NBEA: variants seen among roughly 807,000 people sequenced by gnomAD.
The protein encoded by NBEA is lysosomal-trafficking regulator 2.
NBEA carries 44 observed loss-of-function variants against 343.4 expected under a neutral mutation model. That is an observed-to-expected ratio of 0.13 (90% CI 0.10 to 0.16). NBEA has a LOEUF of 0.16. Ranked by LOEUF, NBEA falls within the 10% of genes least tolerant of loss-of-function variation. NBEA has a pLI of 1.00. For synonymous variants in NBEA, 1,175 were observed against 1,238.7 expected, an observed-to-expected ratio of 0.95 and a Z score of 1.08; for missense variants, 2,555 against 3,631.3, an observed-to-expected ratio of 0.70 and a Z score of 7.62.
chr13:35,318,484 GCTGTTGGATTC>G (rs1319032326), intron 36 of NBEA, among the ~76,000 whole-genome samples: 2 of 152,166 alleles, frequency 1.3e-5, no homozygotes, highest in Non-Finnish European at 2.9e-5. Context: ...TTTTTGATGT[GCTGTTGGATTC>G]CGTTTGCCAG....
At chr13:34,957,744 A>G (rs1273077061) in intron 1 of NBEA, among the ~76,000 whole-genome samples, 1 of 152,118 alleles carries the variant, frequency 6.6e-6, no homozygotes, top group Non-Finnish European at 1.5e-5. Context: ...TTTCGCTACA[A>G]CCCCTTTGTT....
intron 1 of NBEA, among the ~76,000 whole-genome samples, chr13:34,989,595 AAC>A (rs1457770404): frequency 6.6e-6 from 1 of 150,810 alleles, no homozygotes; most frequent in Non-Finnish European, 1.5e-5. Flanking sequence ...TGCCCCCTCC[AAC>A]ACTGAGGATT....
chr13:35,202,667 C>T (rs1401573791), intron 31 of NBEA, among the ~76,000 whole-genome samples: 1 of 152,122 alleles, frequency 6.6e-6, no homozygotes, highest in Non-Finnish European at 1.5e-5. Context: ...CTCATCCACT[C>T]TCCTGGCATT....
At chr13:35,403,208 A>G (rs1335685881) in intron 38 of NBEA, among the ~76,000 whole-genome samples, 1 of 151,908 alleles carries the variant, frequency 6.6e-6, no homozygotes, top group Non-Finnish European at 1.5e-5. Flanking sequence ...ATTACTTAAA[A>G]TTGTATTTAA....
intron 40 of NBEA, among the ~76,000 whole-genome samples, chr13:35,467,710 A>G (rs373170543): frequency 1.3e-5 from 2 of 152,294 alleles, no homozygotes; most frequent in South Asian, 2.1e-4. Flanking sequence ...TAATAATTCT[A>G]CTAAGATTAG....
chr13:35,387,216 A>G (rs2042282710), intron 38 of NBEA, among the ~76,000 whole-genome samples: 1 of 152,154 alleles, frequency 6.6e-6, no homozygotes, highest in Non-Finnish European at 1.5e-5. Flanking sequence ...GTTTATCATG[A>G]GAAAAATTCA....
intron 39 of NBEA, among the ~76,000 whole-genome samples, chr13:35,441,844 AAAAG>A (rs1444904936): frequency 4.6e-5 from 7 of 151,752 alleles, no homozygotes; most frequent in East Asian, 3.9e-4. Flanking sequence ...AAAAAAAAAA[AAAAG>A]AAGACACTGA....
At chr13:35,413,783 A>T (rs2043732037) in intron 38 of NBEA, among the ~76,000 whole-genome samples, 1 of 152,178 alleles carries the variant, frequency 6.6e-6, no homozygotes, top group Admixed American at 6.6e-5. Flanking sequence ...AGCCACACTC[A>T]TGAACAAAAT....
chr13:35,336,194 C>A (rs1404021016), intron 36 of NBEA, among the ~76,000 whole-genome samples: 2 of 151,882 alleles, frequency 1.3e-5, no homozygotes, highest in South Asian at 4.2e-4. Flanking sequence ...AATGAAAACA[C>A]CAACAAATCC....
chr13:35,299,978 C>A (rs532653962), intron 35 of NBEA, among the ~76,000 whole-genome samples: 1 of 152,274 alleles, frequency 6.6e-6, no homozygotes, highest in South Asian at 2.1e-4. Flanking sequence ...ATGTCCACCT[C>A]TATCCCATTT....
chr13:35,514,736 C>T (rs957054399), intron 41 of NBEA, among the ~76,000 whole-genome samples: 6 of 151,930 alleles, frequency 3.9e-5, no homozygotes, highest in East Asian at 1.9e-4. Flanking sequence ...AAATAATTAC[C>T]GGTTGATCAT....
chr13:35,349,055 G>T, intron 36 of NBEA, 53 bp from the exon 37 acceptor site: 1 of 878,856 alleles, frequency 1.1e-6, no homozygotes, highest in Non-Finnish European at 1.6e-6. Context: ...GAAAAAAATT[G>T]GACTGACCAA....
chr13:35,418,066 T>G (rs2044041694), intron 38 of NBEA, among the ~76,000 whole-genome samples: 1 of 152,168 alleles, frequency 6.6e-6, no homozygotes, highest in Non-Finnish European at 1.5e-5. Flanking sequence ...TTGCAACCCC[T>G]GCTTTGTTTT....
intron 41 of NBEA, among the ~76,000 whole-genome samples, chr13:35,507,607 G>C (rs544972959): frequency 1.3e-5 from 2 of 151,894 alleles, no homozygotes; most frequent in Admixed American, 1.3e-4. Flanking sequence ...CCAGTTGTTC[G>C]AGCCAAAACC....
At chr13:35,330,858 G>A (rs973234242) in intron 36 of NBEA, among the ~76,000 whole-genome samples, 9 of 151,984 alleles carry the variant, frequency 5.9e-5, no homozygotes, top group Non-Finnish European at 1.3e-4. Flanking sequence ...TACACAAATA[G>A]AAAGTCTCAA....
intron 18 of NBEA, among the ~76,000 whole-genome samples, chr13:35,152,676 G>A (rs755943304): frequency 6.6e-6 from 1 of 152,146 alleles, no homozygotes; most frequent in Non-Finnish European, 1.5e-5. Flanking sequence ...TCTGTAAATA[G>A]CATGTAAAGT....
intron 41 of NBEA, among the ~76,000 whole-genome samples, chr13:35,521,154 A>G (rs1024373497): frequency 6.6e-6 from 1 of 151,790 alleles, no homozygotes; most frequent in African/African-American, 2.4e-5. Flanking sequence ...AATATTAGAT[A>G]TTAATTTTAT....
In NBEA at chr13:35,050,610, C is replaced by A. The variant is rs79301542; in HGVS notation, c.972+215C>A. ...TCTTGTGGTGTATTTCTCTTACACT[C>A]TCTCATTATCTCAGTCTGATCTGTT... On this transcript the variant is annotated intron_variant, in intron 6 of 58. Transcript: ENST00000379939. Among the ~76,000 whole-genome samples the A allele has an allele frequency of 2.0e-4, 30 of 152,020 alleles. No homozygotes were observed. The East Asian group carries it at 4.8e-3, about 24-fold the overall frequency.
chr13:35,578,741 G>T (rs999500610), intron 45 of NBEA, among the ~76,000 whole-genome samples: 1 of 152,152 alleles, frequency 6.6e-6, no homozygotes, highest in Non-Finnish European at 1.5e-5. Flanking sequence ...AACATTTTAT[G>T]TGTGCAGGTT....
Sources: gnomAD v4.1 joint callset for allele counts (sites outside exome capture counted in the v4.1 genomes callset) on GRCh38, gnomAD v4.1.1 for gene constraint, MANE v1.5 for transcripts, NCBI Gene and HGNC (gene_info 2026-07-23, HGNC 2026-07-21) for gene names.